HS3ST6: variants seen among roughly 807,000 people sequenced by gnomAD.
The protein encoded by HS3ST6 is heparan sulfate-glucosamine 3-sulfotransferase 6, also known as heparan sulfate glucosamine 3-O-sulfotransferase 6.
In HS3ST6, 13 loss-of-function variants were observed where a neutral mutation model predicts 11.0. The ratio of observed to expected loss-of-function variants is 1.18; its 90% CI spans 0.77 to 1.88. The LOEUF (loss-of-function observed/expected upper bound fraction) is 1.88, where lower values mean the gene tolerates loss of function less well. Ranked by LOEUF, HS3ST6 falls within the 40% of genes most tolerant of loss-of-function variation. The pLI is 0.00. For missense variants in HS3ST6, 541 were observed against 494.4 expected (o/e 1.09, Z -0.89); for synonymous variants, 232 against 230.6 (o/e 1.01, Z -0.06).
chr16:1,916,835 G>C (rs1191960999), intron 1 of HS3ST6, among the ~76,000 whole-genome samples: 1 of 148,916 alleles, frequency 6.7e-6, no homozygotes, highest in Non-Finnish European at 1.5e-5. Context: ...GCAGGGATTA[G>C]GGATGCATTC....
chr16:1,916,767 G>A (rs1230728265), intron 1 of HS3ST6, among the ~76,000 whole-genome samples: 1 of 84,592 alleles, frequency 1.2e-5, no homozygotes, highest in African/African-American at 4.7e-5. Context: ...CCCCCGTCTC[G>A]CCACTCCCCT....
At chr16:1,920,605 T>A (rs2082959041), upstream of HS3ST6, among the ~76,000 whole-genome samples, 1 of 152,190 alleles carries the variant, frequency 6.6e-6, no homozygotes, top group South Asian at 2.1e-4. Context: ...GGATGCTTTA[T>A]CCTTAGTCCC....
At chr16:1,913,166 C>A (rs545139433) in intron 1 of HS3ST6, among the ~76,000 whole-genome samples, 1 of 152,336 alleles carries the variant, frequency 6.6e-6, no homozygotes, top group African/African-American at 2.4e-5. Flanking sequence ...CAAAAAGTTA[C>A]CAGCAGAGCC....
In HS3ST6 at chr16:1,912,326, T is replaced by G; in HGVS notation, c.414-121A>C. ...CCCAGGCCTCCAGGGCGAGCAAGTC[T>G]TCCTCCCTGCTCGGGCCCACCCCTG... On this transcript the variant is annotated intron_variant, in intron 1 of 1. Coordinates refer to ENST00000454677, the MANE Select transcript of HS3ST6 (RefSeq NM_001009606.4). The surrounding 1 kb of genome is among the most constrained non-coding windows in gnomAD (Gnocchi z 5.6). 2 of 916,742 alleles carry G rather than the reference T, an allele frequency of 2.2e-6. No individual in the cohort carries two copies. Among genetic ancestry groups the G allele is most frequent in the Non-Finnish European group, 2.9e-6 (2 of 692,382 alleles). The allele number at this position is 916,742 out of a possible 1,614,324, so 56.8% of individuals were successfully genotyped here.
At chr16:1,919,584 G>A (rs571460441), upstream of HS3ST6, among the ~76,000 whole-genome samples, 1 of 152,370 alleles carries the variant, frequency 6.6e-6, no homozygotes, top group East Asian at 1.9e-4. Context: ...TCCCAGCCAA[G>A]GGCTTGCGGC....
At position 1,911,806 on chromosome 16, in the gene HS3ST6, C is replaced by T. The variant is rs1255919731; in HGVS notation, c.813G>A (p.Arg271=). The T allele has an allele frequency of 1.9e-6, 3 of 1,613,882 alleles. No individual in the cohort carries two copies. In the South Asian group the frequency reaches 3.3e-5, roughly 18 times the overall value. Residue 271 remains arginine (R), a synonymous_variant, in exon 2 of 2, where the codon CGG becomes CGA. Coordinates refer to ENST00000454677, the MANE Select transcript of HS3ST6 (RefSeq NM_001009606.4). ...AGTAGAAGTGCTTGTCCGTGACGAC[C>T]CGTTTCAGGCCCAGGAAGTCCTGCA... ...GRVQDFLGLK[R]VVTDKHFYFN...
At chr16:1,917,288 AC>A (rs1438232406) in intron 1 of HS3ST6, among the ~76,000 whole-genome samples, 2 of 151,692 alleles carry the variant, frequency 1.3e-5, no homozygotes, top group African/African-American at 4.8e-5. Context: ...AGGCTGCCGC[AC>A]CCCCACGTCC....
Position 1,918,199 on chromosome 16 carries a change from T to C in HS3ST6, c.125A>G (p.Tyr42Cys). ...GCGGCCGGGGAGGGCGCAGAGGCAGTAGGCGCCGAGCACCAGGGCCACGAG... is the reference window on the plus strand; with the variant it reads ...GCGGCCGGGGAGGGCGCAGAGGCAGCAGGCGCCGAGCACCAGGGCCACGAG... ...MLLVALVLGA[Y>C]CLCALPGRCP... The change falls in exon 1 of 2, where the codon TAC becomes TGC. Residue 42 changes from tyrosine to cysteine, a missense_variant. Physicochemically the swap from Tyr to Cys is radical, Grantham distance 194. Coordinates refer to ENST00000454677, the MANE Select transcript of HS3ST6 (RefSeq NM_001009606.4). This position sits in a 1 kb window ranked among gnomAD's most constrained non-coding sequence, Gnocchi z 6.0. The C allele has an allele frequency of 9.4e-7, 1 of 1,068,466 alleles. No individual in the cohort carries two copies. 66.2% of individuals were successfully genotyped at this position (1,068,466 alleles called of 1,614,324 possible).
chr16:1,916,975 C>G (rs1029341024), intron 1 of HS3ST6, among the ~76,000 whole-genome samples: 3 of 152,060 alleles, frequency 2.0e-5, no homozygotes, highest in Admixed American at 1.3e-4. Context: ...CCCAGCACCC[C>G]ACACTGGCAC....
intron 1 of HS3ST6, among the ~76,000 whole-genome samples, chr16:1,916,349 G>T: frequency 6.6e-6 from 1 of 150,416 alleles, no homozygotes; most frequent in African/African-American, 2.4e-5. Context: ...TCTAAAAAAT[G>T]AGGACGTCAA....
Position 1,918,100 on chromosome 16 carries a change from C to T in HS3ST6, c.224G>A (p.Gly75Glu), listed in dbSNP as rs1401609251. The change falls in exon 1 of 2, where the codon GGA becomes GAA. Residue 75 changes from glycine to glutamate, a missense_variant. Physicochemically the swap from Gly to Glu is moderately conservative, Grantham distance 98. Transcript: ENST00000454677. The surrounding 1 kb of genome is among the most constrained non-coding windows in gnomAD (Gnocchi z 6.0). ...GCTGGCCAAAGGCAGGCCGGGTGCT[C>T]CCGGGCGGTGGACGGAGCTGGACGG... is the stretch of plus-strand genomic sequence containing the variant. ...SEPSSSVHRP[G>E]APGLPLASGP... 1 of 1,481,266 alleles carries T rather than the reference C, an allele frequency of 6.8e-7. No homozygotes were observed. The highest frequency in any genetic ancestry group is 8.9e-7 in the Non-Finnish European group (1 of 1,121,666). 91.8% of individuals were successfully genotyped at this position (1,481,266 alleles called of 1,614,324 possible).
At position 1,912,894 on chromosome 16, in the gene HS3ST6, C is replaced by G. The variant is rs920324016; in HGVS notation, c.414-689G>C. 6.6e-6 allele frequency among the ~76,000 whole-genome samples: 1 copy of G among 152,158 alleles called. No homozygotes were observed. Among genetic ancestry groups the G allele is most frequent in the Non-Finnish European group, 1.5e-5 (1 of 68,042 alleles). ...GCAACCTCTGCCTCCCGGGTTCAAGCGATTTTCCTGCCTCAGCCCCCGGAG... is the reference window on the plus strand; with the variant it reads ...GCAACCTCTGCCTCCCGGGTTCAAGGGATTTTCCTGCCTCAGCCCCCGGAG... On this transcript the variant is annotated intron_variant, in intron 1 of 1. Coordinates refer to ENST00000454677, the MANE Select transcript of HS3ST6 (RefSeq NM_001009606.4). The surrounding 1 kb of genome is among the most constrained non-coding windows in gnomAD (Gnocchi z 5.6).
At position 1,912,593 on chromosome 16, in the gene HS3ST6, C is replaced by G. The variant is rs1207687219; in HGVS notation, c.414-388G>C. Among the ~76,000 whole-genome samples, 1 of 152,102 alleles carries G rather than the reference C, an allele frequency of 6.6e-6. No individual in the cohort carries two copies. The highest frequency in any genetic ancestry group is 2.4e-5 in the African/African-American group (1 of 41,430). ...CCACCGGACCCACACTTTCCTGGAA[C>G]TAGGCTGCCCCCAGCTCCTTTCTCA... On this transcript the variant is annotated intron_variant, in intron 1 of 1. Transcript: ENST00000454677. The surrounding 1 kb of genome is among the most constrained non-coding windows in gnomAD (Gnocchi z 5.6).
chr16:1,911,890 G>T lies in HS3ST6; in HGVS notation c.729C>A (p.His243Gln), dbSNP rs759162759. The T allele has an allele frequency of 3.1e-6, 5 of 1,606,620 alleles. No individual in the cohort carries two copies. Among genetic ancestry groups the T allele is most frequent in the Admixed American group, 3.4e-5 (2 of 59,426 alleles). Residue 243 changes from histidine to glutamine, a missense_variant, in exon 2 of 2, where the codon CAC (histidine) becomes CAA (glutamine). By Grantham distance (24) the His-to-Gln change is conservative (BLOSUM62 0). Transcript: ENST00000454677. Reference protein sequence around the residue: ...DHWLRYFPLSHFLFVSGERLV... With the variant: ...DHWLRYFPLSQFLFVSGERLV... ...GACGCTCCCCGCTGACGAACAGGAA[G>T]TGGGACAGGGGGAAGTAGCGCAGCC...
At chr16:1,914,623 G>A (rs999619946) in intron 1 of HS3ST6, among the ~76,000 whole-genome samples, 5 of 152,160 alleles carry the variant, frequency 3.3e-5, no homozygotes, top group African/African-American at 1.2e-4. Context: ...CTGCCTGCTG[G>A]AGGGACCAGC....
intron 1 of HS3ST6, among the ~76,000 whole-genome samples, chr16:1,914,515 G>A (rs559855047): frequency 1.1e-4 from 16 of 152,250 alleles, no homozygotes; most frequent in Admixed American, 7.8e-4. Flanking sequence ...CTTCCCTCCC[G>A]TCTCGGGCAT....
upstream of HS3ST6, among the ~76,000 whole-genome samples, chr16:1,920,571 C>A (rs1444100227): frequency 6.6e-6 from 1 of 152,214 alleles, no homozygotes; most frequent in African/African-American, 2.4e-5. Context: ...CATCTCCTGG[C>A]CTTTCCGCTG....
At chr16:1,914,482 G>A (rs183525570) in intron 1 of HS3ST6, among the ~76,000 whole-genome samples, 6 of 152,200 alleles carry the variant, frequency 3.9e-5, no homozygotes, top group Non-Finnish European at 7.4e-5. Flanking sequence ...TTTTCCCCTC[G>A]GCCAGGAAGG....
rs370731525 is a variant in HS3ST6 at position 1,911,808 on chromosome 16, G to A, written c.811C>T (p.Arg271Trp). Residue 271 changes from arginine (R) to tryptophan (W), a missense_variant, in exon 2 of 2, where the codon CGG becomes TGG. Transcript: ENST00000454677. ...GRVQDFLGLKRVVTDKHFYFN... is the reference protein window; with the variant it reads ...GRVQDFLGLKWVVTDKHFYFN... ...TAGAAGTGCTTGTCCGTGACGACCC[G>A]TTTCAGGCCCAGGAAGTCCTGCACG... 3.3e-5 allele frequency: 54 copies of A among 1,613,726 alleles called. No homozygotes were observed. Among genetic ancestry groups the A allele is most frequent in the South Asian group, 6.6e-5 (6 of 91,084 alleles).
Sources: gnomAD v4.1 joint callset for allele counts (sites outside exome capture counted in the v4.1 genomes callset) on GRCh38, gnomAD v4.1.1 for gene constraint, Gnocchi (gnomAD v3.1) non-coding constraint, MANE v1.5 for transcripts, NCBI Gene and HGNC (gene_info 2026-07-23, HGNC 2026-07-21) for gene names.